The following GORASP1 variants were observed in gnomAD, a reference collection of about 807,000 sequenced individuals.
The protein encoded by GORASP1 is golgi reassembly stacking protein 1.
A neutral mutation model predicts 37.7 loss-of-function variants in GORASP1; 31 were observed. The observed-to-expected ratio is 0.82, with a 90% confidence interval of 0.62 to 1.11. The LOEUF (loss-of-function observed/expected upper bound fraction) is 1.11, where lower values mean the gene tolerates loss of function less well. GORASP1 is among the 50% of genes least tolerant of loss of function. The pLI is 0.00. For missense variants in GORASP1, 476 were observed against 560.7 expected (o/e 0.85, Z 1.53); for synonymous variants, 204 against 224.8 (o/e 0.91, Z 0.83).
Position 39,098,729 on chromosome 3 carries a change from A to T in GORASP1, c.1069+12T>A, listed in dbSNP as rs769796765. On this transcript the variant is annotated intron_variant, in intron 8 of 8. Transcript: ENST00000319283. The surrounding 1 kb of genome is among the most constrained non-coding windows in gnomAD (Gnocchi z 4.7). ...CCTTCCCAGAGGACTTCGGAAGGTG[A>T]TGGCCACTCACCACCCCGCTCATGA... 1.9e-6 allele frequency: 3 copies of T among 1,612,998 alleles called. 1 individual carries two copies. The East Asian group carries it at 6.7e-5, about 36-fold the overall frequency.
intron 6 of GORASP1, among the ~76,000 whole-genome samples, chr3:39,099,899 G>A (rs2035587882): frequency 6.6e-6 from 1 of 152,174 alleles, no homozygotes; most frequent in Non-Finnish European, 1.5e-5. Flanking sequence ...AGTGCCCAAA[G>A]GTGCTCTCAG....
rs562541619 is a variant in GORASP1 at position 39,104,905 on chromosome 3, C to G, written c.64-1352G>C. Among the ~76,000 whole-genome samples the G allele has an allele frequency of 3.9e-5, 6 of 152,320 alleles. No individual in the cohort carries two copies. In the South Asian group the frequency reaches 1.0e-3, roughly 26 times the overall value. The stretch of plus-strand genomic sequence containing the variant: ...TAACCCTTCAGGTGAGGGGATCTTT[C>G]GAAAACCACAGGACAGGACAGTTAT... On this transcript the variant is annotated intron_variant, in intron 1 of 8. Coordinates refer to ENST00000319283, the MANE Select transcript of GORASP1 (RefSeq NM_031899.4).
intron 1 of GORASP1, among the ~76,000 whole-genome samples, chr3:39,104,457 C>T (rs548612990): frequency 3.9e-5 from 6 of 152,316 alleles, no homozygotes; most frequent in African/African-American, 1.4e-4. Flanking sequence ...GCCCTAGACC[C>T]GAAGATGGGC....
Position 39,098,594 on chromosome 3 carries a change from TG to T in GORASP1, c.1070-106del. 6.6e-7 allele frequency: 1 copy of T among 1,504,740 alleles called. No individual in the cohort carries two copies. 93.2% of individuals were successfully genotyped at this position (1,504,740 alleles called of 1,614,324 possible). On this transcript the variant is annotated intron_variant, in intron 8 of 8. Coordinates refer to ENST00000319283, the MANE Select transcript of GORASP1 (RefSeq NM_031899.4). This position sits in a 1 kb window ranked among gnomAD's most constrained non-coding sequence, Gnocchi z 4.7. Reference sequence around the variant, plus strand: ...CTCCCCATTGCCACTCCAGGTTTGATGGGGGATTGGAGATGGAGTGTACAAA... The same window carrying T: ...CTCCCCATTGCCACTCCAGGTTTGATGGGGATTGGAGATGGAGTGTACAAA...
In GORASP1 at chr3:39,098,784, C is replaced by T. The variant is rs750194766; in HGVS notation, c.1026G>A (p.Gly342=). ...ELTTTAVSTS[G]PEDICSSSSS... The stretch of plus-strand genomic sequence containing the variant: ...TGCTGCTGGAGCAGATGTCCTCTGG[C>T]CCTGAGGTTGAGACAGCTGTGGTGG... The change falls in exon 8 of 9, where the codon GGG becomes GGA. Residue 342 remains glycine (G), a synonymous_variant. Coordinates refer to ENST00000319283, the MANE Select transcript of GORASP1 (RefSeq NM_031899.4). The surrounding 1 kb of genome is among the most constrained non-coding windows in gnomAD (Gnocchi z 4.7). The T allele has an allele frequency of 1.3e-5, 21 of 1,614,126 alleles. No homozygotes were observed. The highest frequency in any genetic ancestry group is 1.7e-5 in the Non-Finnish European group (20 of 1,179,980).
Position 39,102,638 on chromosome 3 carries a change from T to A in GORASP1, c.348+40A>T, listed in dbSNP as rs776117369. 1.4e-5 allele frequency: 23 copies of A among 1,605,666 alleles called. No homozygotes were observed. The South Asian group carries it at 2.5e-4, about 18-fold the overall frequency. ...ACCCAGACCTGCCCCAGTAAACTCA[T>A]CCTTCCGACACACCCTGCCCTGCCA... On this transcript the variant is annotated intron_variant, in intron 3 of 8. Coordinates refer to ENST00000319283, the MANE Select transcript of GORASP1 (RefSeq NM_031899.4). The surrounding 1 kb of genome is among the most constrained non-coding windows in gnomAD (Gnocchi z 5.0).
rs186068702 is a variant in GORASP1, at chr3:39,102,478, T to C, written c.348+200A>G. 7 of 611,248 alleles carry C rather than the reference T, an allele frequency of 1.1e-5. No individual in the cohort carries two copies. The South Asian group carries it at 1.2e-4, about 10-fold the overall frequency. 37.9% of individuals were successfully genotyped at this position (611,248 alleles called of 1,614,324 possible). A position where few individuals can be genotyped will look rare whatever the true frequency, so the allele number is the denominator to read the frequency against. On this transcript the variant is annotated intron_variant, in intron 3 of 8. Transcript: ENST00000319283. This position sits in a 1 kb window ranked among gnomAD's most constrained non-coding sequence, Gnocchi z 5.0. ...AAGTCATGGCTAACAGGAAGCAAGA[T>C]ACACTGTTCAGGTAGTAATGAGCTG...
rs1161272628 is a variant in GORASP1 at position 39,103,484 on chromosome 3, G to T, written c.133C>A (p.His45Asn). 6.2e-7 allele frequency: 1 copy of T among 1,612,902 alleles called. No individual in the cohort carries two copies. The highest frequency in any genetic ancestry group is 8.5e-7 in the Non-Finnish European group (1 of 1,179,448). Reference sequence around the variant, plus strand: ...GTTGGGGAACTCACCAGCCTCGAGTGCCCAATGGTGATGATGAAGTCAAAG... The same window carrying T: ...GTTGGGGAACTCACCAGCCTCGAGTTCCCAATGGTGATGATGAAGTCAAAG... ...PYFDFIITIG[H>N]SRLNKENDTL... The change falls in exon 2 of 9, where the codon CAC (histidine) becomes AAC (asparagine). Residue 45 changes from histidine to asparagine, a missense_variant. His to Asn is a moderately conservative substitution (Grantham distance 68). Transcript: ENST00000319283. The surrounding 1 kb of genome is among the most constrained non-coding windows in gnomAD (Gnocchi z 5.2).
chr3:39,103,614 TCCC>T lies in GORASP1; in HGVS notation c.64-64_64-62del. 3 of 1,333,776 alleles carry T rather than the reference TCCC, an allele frequency of 2.2e-6. 1 individual carries two copies. In the South Asian group the frequency reaches 3.8e-5, roughly 17 times the overall value. 82.6% of individuals were successfully genotyped at this position (1,333,776 alleles called of 1,614,324 possible). Reference sequence around the variant, plus strand: ...CCCTGGGACTCTCCAAGTAGCCCTCTCCCCCATTTCAGGAACCATCAGCACTCC... The same window carrying T: ...CCCTGGGACTCTCCAAGTAGCCCTCTCCATTTCAGGAACCATCAGCACTCC... On this transcript the variant is annotated intron_variant, in intron 1 of 8. Transcript: ENST00000319283. The surrounding 1 kb of genome is among the most constrained non-coding windows in gnomAD (Gnocchi z 5.2).
Position 39,098,337 on chromosome 3 carries a change from C to G in GORASP1, c.1222G>C (p.Glu408Gln), listed in dbSNP as rs1476815631. The change falls in exon 9 of 9, where the codon GAA (glutamate) becomes CAA (glutamine). Residue 408 changes from glutamate (E) to glutamine (Q), a missense_variant. By Grantham distance (29) the Glu-to-Gln change is conservative (BLOSUM62 2). Coordinates refer to ENST00000319283, the MANE Select transcript of GORASP1 (RefSeq NM_031899.4). The surrounding 1 kb of genome is among the most constrained non-coding windows in gnomAD (Gnocchi z 4.7). ...PEDGLSAELL[E>Q]AQAEEEPAST... The stretch of plus-strand genomic sequence containing the variant: ...GCTGGTTCCTCCTCAGCCTGAGCTT[C>G]AAGCAGCTCGGCGGACAGCCCATCT... 32 of 1,614,088 alleles carry G rather than the reference C, an allele frequency of 2.0e-5. No homozygotes were observed. The highest frequency in any genetic ancestry group is 4.0e-5 in the African/African-American group (3 of 74,932).
In GORASP1 at chr3:39,107,470, GCA is replaced by G. The variant is rs1469657348; in HGVS notation, c.63+7_63+8del. 9.6e-6 allele frequency: 13 copies of G among 1,354,546 alleles called. No homozygotes were observed. The highest frequency in any genetic ancestry group is 4.9e-4 in the Middle Eastern group (2 of 4,044). The allele number at this position is 1,354,546 out of a possible 1,614,324, so 83.9% of individuals were successfully genotyped here. The stretch of plus-strand genomic sequence containing the variant: ...CGCCAAGGTCACCGGCGCCGCGGCG[GCA>G]ACTCACCCCGTGGAGGTGGAAGCCC... On this transcript the variant is annotated splice_region_variant and intron_variant, in intron 1 of 8. Coordinates refer to ENST00000319283, the MANE Select transcript of GORASP1 (RefSeq NM_031899.4).
intron 1 of GORASP1, among the ~76,000 whole-genome samples, chr3:39,106,447 A>C (rs2036101348): frequency 6.6e-6 from 1 of 151,886 alleles, no homozygotes; most frequent in Admixed American, 6.6e-5. Flanking sequence ...TTGGTGTCTC[A>C]CCATAAGAAA....
Position 39,098,830 on chromosome 3 carries a change from A to G in GORASP1, c.980T>C (p.Leu327Pro), listed in dbSNP as rs1159065022. Residue 327 changes from leucine (L) to proline (P), a missense_variant, in exon 8 of 9, where the codon CTG (leucine) becomes CCG (proline). Coordinates refer to ENST00000319283, the MANE Select transcript of GORASP1 (RefSeq NM_031899.4). This position sits in a 1 kb window ranked among gnomAD's most constrained non-coding sequence, Gnocchi z 4.7. ...DNSNASVWPSLPSSTELTTTA... is the reference protein window; with the variant it reads ...DNSNASVWPSPPSSTELTTTA... ...GGTGGTCAGTTCTGTGGAAGAGGGC[A>G]GGCTGGGCCACACACTGGCATTGCT... 6.2e-7 allele frequency: 1 copy of G among 1,614,154 alleles called. No individual in the cohort carries two copies. Among genetic ancestry groups the G allele is most frequent in the Non-Finnish European group, 8.5e-7 (1 of 1,180,002 alleles).
rs1045453691 is a variant in GORASP1, at chr3:39,107,286, G to C, written c.63+193C>G. The C allele has an allele frequency of 8.0e-6, 4 of 498,362 alleles. No individual in the cohort carries two copies. In the African/African-American group the frequency reaches 8.2e-5, roughly 10 times the overall value. 30.9% of individuals were successfully genotyped at this position (498,362 alleles called of 1,614,324 possible). On this transcript the variant is annotated intron_variant, in intron 1 of 8. Coordinates refer to ENST00000319283, the MANE Select transcript of GORASP1 (RefSeq NM_031899.4). Reference sequence around the variant, plus strand: ...TGGGCCCGACCGCGGCCGCGGACTAGCCAGGGTCCGGGAGTCCCGCGAGGC... The same window carrying C: ...TGGGCCCGACCGCGGCCGCGGACTACCCAGGGTCCGGGAGTCCCGCGAGGC...
rs149188281 is a variant in GORASP1, at chr3:39,103,549, T to C, written c.68A>G (p.Gln23Arg). Residue 23 changes from glutamine to arginine, a missense_variant, in exon 2 of 9, where the codon CAG becomes CGG. Physicochemically the swap from Gln to Arg is conservative, Grantham distance 43 (BLOSUM62 1). Transcript: ENST00000319283. This position sits in a 1 kb window ranked among gnomAD's most constrained non-coding sequence, Gnocchi z 5.2. ...GAEGFHLHGV[Q>R]ENSPAQQAGL... ...CGCCTGCTGGGCTGGGGAGTTCTCC[T>C]GCACCTATCCCACAGCAAAGACCAC... 258 of 1,611,992 alleles carry C rather than the reference T, an allele frequency of 1.6e-4. 1 individual carries two copies. The highest frequency in any genetic ancestry group is 2.1e-4 in the Non-Finnish European group (248 of 1,179,304).
intron 7 of GORASP1, 114 bp downstream of exon 7, chr3:39,099,239 T>C (rs1056268940): frequency 8.5e-7 from 1 of 1,172,514 alleles, no homozygotes; most frequent in Non-Finnish European, 1.3e-6. Flanking sequence ...CTATTAAATA[T>C]CTTGGTATAC....
chr3:39,103,318 A>G lies in GORASP1; in HGVS notation c.144+155T>C. ...CTGAGCACTGGGCAGGGCCCCAGTC[A>G]GGCTCTGAGTACAGCCCTGGAAGAA... On this transcript the variant is annotated intron_variant, in intron 2 of 8. Transcript: ENST00000319283. This position sits in a 1 kb window ranked among gnomAD's most constrained non-coding sequence, Gnocchi z 5.2. The G allele has an allele frequency of 1.6e-6, 1 of 615,882 alleles. No individual in the cohort carries two copies. Among genetic ancestry groups the G allele is most frequent in the Non-Finnish European group, 2.9e-6 (1 of 350,350 alleles). The allele number at this position is 615,882 out of a possible 1,614,324, so 38.2% of individuals were successfully genotyped here. A position where few individuals can be genotyped will look rare whatever the true frequency, so the allele number is the denominator to read the frequency against.
intron 3 of GORASP1, 71 bp from the exon 4 acceptor site, chr3:39,101,173 G>C: frequency 7.4e-7 from 1 of 1,359,442 alleles, no homozygotes; most frequent in Non-Finnish European, 1.0e-6. Flanking sequence ...AGGGCAGGGG[G>C]AACTGCCTCT....
At position 39,098,623 on chromosome 3, in the gene GORASP1, C is replaced by T; in HGVS notation, c.1069+118G>A. The T allele has an allele frequency of 6.7e-7, 1 of 1,502,384 alleles. No homozygotes were observed. Among genetic ancestry groups the T allele is most frequent in the East Asian group, 2.3e-5 (1 of 44,020 alleles). The allele number at this position is 1,502,384 out of a possible 1,614,324, so 93.1% of individuals were successfully genotyped here. A position where few individuals can be genotyped will look rare whatever the true frequency, so the allele number is the denominator to read the frequency against. On this transcript the variant is annotated intron_variant, in intron 8 of 8. Coordinates refer to ENST00000319283, the MANE Select transcript of GORASP1 (RefSeq NM_031899.4). The surrounding 1 kb of genome is among the most constrained non-coding windows in gnomAD (Gnocchi z 4.7). ...GGATTGGAGATGGAGTGTACAAATG[C>T]CTTGGTGTGGCTGTATCAACCCGAT...
Sources: gnomAD v4.1 joint callset for allele counts (sites outside exome capture counted in the v4.1 genomes callset) on GRCh38, gnomAD v4.1.1 for gene constraint, Gnocchi (gnomAD v3.1) non-coding constraint, MANE v1.5 for transcripts, NCBI Gene and HGNC (gene_info 2026-07-23, HGNC 2026-07-21) for gene names.